Variants in SIM1 observed in about 807,000 individuals in gnomAD.
The protein encoded by SIM1 is SIM bHLH transcription factor 1.
Under a neutral mutation model 78.2 loss-of-function variants are expected in SIM1, and 18 were observed. The observed-to-expected ratio is 0.23, with a 90% CI of 0.16 to 0.34. SIM1 has a LOEUF of 0.34. SIM1 is among the 10% of genes least tolerant of loss of function. The pLI, the probability that SIM1 is intolerant of heterozygous loss-of-function variation, is 1.00. For missense variants in SIM1, 939 were observed against 975.1 expected (o/e 0.96, Z 0.49); for synonymous variants, 417 against 385.2 (o/e 1.08, Z -0.97).
chr6:100,459,194 A>G (rs957155408), intron 2 of SIM1, among the ~76,000 whole-genome samples: 47 of 152,290 alleles, frequency 3.1e-4, no homozygotes, highest in African/African-American at 1.1e-3. Context: ...AAAGCATCCC[A>G]CCATAGCTTA....
intron 2 of SIM1, among the ~76,000 whole-genome samples, chr6:100,457,339 G>A (rs1043893636): frequency 6.6e-6 from 1 of 152,194 alleles, no homozygotes; most frequent in Non-Finnish European, 1.5e-5. Context: ...ATGGGGGAGG[G>A]TGGCGGAGGC....
intron 11 of SIM1, among the ~76,000 whole-genome samples, chr6:100,393,117 A>G (rs1770680983): frequency 6.6e-6 from 1 of 152,196 alleles, no homozygotes; most frequent in African/African-American, 2.4e-5. Flanking sequence ...AAACACTGCT[A>G]TGACCAAATG....
At chr6:100,455,244 A>C (rs947223199) in intron 2 of SIM1, among the ~76,000 whole-genome samples, 8 of 152,004 alleles carry the variant, frequency 5.3e-5, no homozygotes, top group Non-Finnish European at 1.2e-4. Context: ...CGATTTCCCC[A>C]CCACTCTGCA....
chr6:100,447,957 C>G (rs982234443), intron 8 of SIM1, among the ~76,000 whole-genome samples, 189 bp downstream of exon 8: 1 of 152,226 alleles, frequency 6.6e-6, no homozygotes, highest in Non-Finnish European at 1.5e-5. Flanking sequence ...ATTAGCGGCC[C>G]GCGGATGTTA....
At chr6:100,462,538 C>T (rs1422086153) in intron 2 of SIM1, 1 of 152,188 alleles carries the variant, frequency 6.6e-6, no homozygotes, top group Non-Finnish European at 1.5e-5. Context: ...GCTATTCTAA[C>T]TTCTAGGCCT....
At chr6:100,442,456 G>A (rs1252570647) in intron 9 of SIM1, among the ~76,000 whole-genome samples, 2 of 152,000 alleles carry the variant, frequency 1.3e-5, no homozygotes, top group Admixed American at 6.6e-5. Flanking sequence ...CTGTGACTCT[G>A]ATGTTCAATA....
chr6:100,399,034 C>G (rs975821621), intron 10 of SIM1, among the ~76,000 whole-genome samples: 1 of 151,816 alleles, frequency 6.6e-6, no homozygotes, highest in Non-Finnish European at 1.5e-5. Context: ...ATTTGCATTT[C>G]TCTAATGATT....
rs1277793386 is a variant in SIM1 at position 100,386,621 on chromosome 6, G to C, written c.*3740C>G. The C allele has an allele frequency of 6.6e-6, 1 of 152,010 alleles. No homozygotes were observed. Among genetic ancestry groups the C allele is most frequent in the Non-Finnish European group, 1.5e-5 (1 of 67,912 alleles). The allele number at this position is 152,010 out of a possible 1,614,324, so 9.4% of individuals were successfully genotyped here. A position where few individuals can be genotyped will look rare whatever the true frequency, so the allele number is the denominator to read the frequency against. On this transcript the variant is annotated 3_prime_UTR_variant, in exon 12 of 12. Transcript: ENST00000369208. ...TGGAGCACACTACCCTTTTCTAGAA[G>C]ATCCCCTAAAGCTTATTTTAAGTGG...
intron 3 of SIM1, among the ~76,000 whole-genome samples, chr6:100,450,737 TA>T (rs930727012): frequency 4.7e-5 from 6 of 126,958 alleles, no homozygotes; most frequent in African/African-American, 1.5e-4. Context: ...CACACAGTTC[TA>T]GGGGGAAAAA....
At chr6:100,457,722 G>A (rs1772706821) in intron 2 of SIM1, among the ~76,000 whole-genome samples, 1 of 152,224 alleles carries the variant, frequency 6.6e-6, no homozygotes, top group African/African-American at 2.4e-5. Flanking sequence ...GCACCAAGGC[G>A]CACCCGACCC....
At chr6:100,391,220 G>A (rs981073072) in intron 11 of SIM1, 129 bp from the exon 12 acceptor site, 1 of 1,018,044 alleles carries the variant, frequency 9.8e-7, no homozygotes, top group South Asian at 1.9e-5. Context: ...TTTGAAACAG[G>A]CTCACATGAT....
chr6:100,391,606 A>G (rs138824656), intron 11 of SIM1, among the ~76,000 whole-genome samples: 167 of 152,354 alleles, frequency 1.1e-3, no homozygotes, highest in African/African-American at 3.8e-3. Context: ...TGCTAAATAT[A>G]TCTTAAGTAG....
chr6:100,452,630 C>T (rs80070683), intron 3 of SIM1, among the ~76,000 whole-genome samples: 3,266 of 152,218 alleles, frequency 0.021, 43 homozygotes, highest in Non-Finnish European at 0.035. Flanking sequence ...TTGGCAAGAG[C>T]TGGAAAGTGT....
intron 9 of SIM1, among the ~76,000 whole-genome samples, chr6:100,421,925 G>A (rs910721154): frequency 6.6e-5 from 10 of 152,048 alleles, no homozygotes; most frequent in Non-Finnish European, 1.5e-4. Flanking sequence ...GCTGCCCCTC[G>A]GTAATTGATT....
chr6:100,451,685 GA>G (rs1185501483), intron 3 of SIM1, among the ~76,000 whole-genome samples: 2 of 152,222 alleles, frequency 1.3e-5, no homozygotes, highest in African/African-American at 4.8e-5. Context: ...CTAATTCAAA[GA>G]TGGTTCTGGA....
At chr6:100,433,598 G>A (rs2114521179) in intron 9 of SIM1, among the ~76,000 whole-genome samples, 1 of 151,894 alleles carries the variant, frequency 6.6e-6, no homozygotes, top group East Asian at 1.9e-4. Context: ...GCCAGGTGTG[G>A]TGGCACATGC....
chr6:100,395,474 C>T (rs1037277926), intron 10 of SIM1, among the ~76,000 whole-genome samples: 4 of 151,674 alleles, frequency 2.6e-5, no homozygotes, highest in Non-Finnish European at 2.9e-5. Flanking sequence ...ACAGTGCTAA[C>T]GAAAAAAGGA....
In SIM1 at chr6:100,448,469, G is replaced by T; in HGVS notation, c.743+10C>A. ...GCTAGGAGAGGCCCTTTCCGGCCCT[G>T]CCCACCCACCTGGAGTCCAGAAAGA... is the stretch of plus-strand genomic sequence containing the variant. On this transcript the variant is annotated intron_variant, in intron 7 of 11. Coordinates refer to ENST00000369208, the MANE Select transcript of SIM1 (RefSeq NM_005068.3). 1.9e-6 allele frequency: 3 copies of T among 1,612,904 alleles called. No individual in the cohort carries two copies. The highest frequency in any genetic ancestry group is 1.3e-5 in the African/African-American group (1 of 75,030).
intron 10 of SIM1, among the ~76,000 whole-genome samples, chr6:100,412,556 AAAGAAAGAAAGAAAG>A (rs1562239372): frequency 2.8e-3 from 15 of 5,414 alleles, no homozygotes; most frequent in African/African-American, 6.7e-3. Flanking sequence ...GAAAGAAAGA[AAAGAAAGAAAGAAAG>A]AAAGAAAGAA....
Sources: gnomAD v4.1 joint callset for allele counts (sites outside exome capture counted in the v4.1 genomes callset) on GRCh38, gnomAD v4.1.1 for gene constraint, MANE v1.5 for transcripts, NCBI Gene and HGNC (gene_info 2026-07-23, HGNC 2026-07-21) for gene names.